The following TBPL1 variants were observed in gnomAD, a reference collection of about 807,000 sequenced individuals.
The protein encoded by TBPL1 is TATA-box binding protein like 1, also known as TATA box-binding protein-like 1.
A neutral mutation model predicts 22.1 loss-of-function variants in TBPL1; 4 were observed. That is an observed-to-expected ratio of 0.18 (90% confidence interval 0.09 to 0.41). The LOEUF (loss-of-function observed/expected upper bound fraction) is 0.41. TBPL1 is among the 10% of genes least tolerant of loss of function. The pLI is 1.00. For synonymous variants in TBPL1, 64 were observed against 71.0 expected, an observed-to-expected ratio of 0.90 and a Z score of 0.50; for missense variants, 115 against 222.3, an observed-to-expected ratio of 0.52 and a Z score of 3.07.
At chr6:133,980,486 C>T (rs1776389658) in intron 2 of TBPL1, among the ~76,000 whole-genome samples, 1 of 152,120 alleles carries the variant, frequency 6.6e-6, no homozygotes, top group Non-Finnish European at 1.5e-5. Context: ...TCATTGGTTA[C>T]AGAGACATTT....
Position 133,988,522 on chromosome 6 carries a change from A to AT in TBPL1, c.*1483dup, listed in dbSNP as rs1471411464. ...AAAATTGCAACATCCTAATCTCCAT[A>AT]TATAGTACATTTTCCTTACTGTATT... On this transcript the variant is annotated 3_prime_UTR_variant, in exon 7 of 7. Transcript: ENST00000237264. 5 of 152,224 alleles carry AT rather than the reference A, an allele frequency of 3.3e-5. No individual in the cohort carries two copies. Among genetic ancestry groups the AT allele is most frequent in the African/African-American group, 9.6e-5 (4 of 41,468 alleles). 9.4% of individuals were successfully genotyped at this position (152,224 alleles called of 1,614,324 possible).
intron 1 of TBPL1, among the ~76,000 whole-genome samples, chr6:133,972,110 A>G (rs757035716): frequency 1.6e-4 from 24 of 152,204 alleles, no homozygotes; most frequent in Non-Finnish European, 2.6e-4. Flanking sequence ...CTGAAATTGT[A>G]TCTCAATGTA....
chr6:133,963,481 G>C (rs1159215021), intron 1 of TBPL1, among the ~76,000 whole-genome samples: 2 of 152,192 alleles, frequency 1.3e-5, no homozygotes, highest in African/African-American at 4.8e-5. Flanking sequence ...CTGGAGTGCA[G>C]TGGTGTGATC....
intron 4 of TBPL1, 44 bp downstream of exon 4, chr6:133,982,924 T>A: frequency 6.5e-7 from 1 of 1,528,684 alleles, no homozygotes; most frequent in Non-Finnish European, 8.9e-7. Flanking sequence ...ATTCAAGGAC[T>A]TATTTTTATA....
At chr6:133,961,465 CTTTTTTTT>C (rs61695774) in intron 1 of TBPL1, among the ~76,000 whole-genome samples, 2 of 100,206 alleles carry the variant, frequency 2.0e-5, no homozygotes, top group Admixed American at 1.1e-4. Context: ...TTCTTTCTTT[CTTTTTTTT>C]TTTTTTTTTT....
chr6:133,962,105 G>A (rs773807486), intron 1 of TBPL1, among the ~76,000 whole-genome samples: 2 of 152,150 alleles, frequency 1.3e-5, no homozygotes, highest in Non-Finnish European at 2.9e-5. Flanking sequence ...GTCTGTTATT[G>A]GAAGAGGAAT....
chr6:133,985,276 T>TAAAAAA lies in TBPL1; in HGVS notation c.481+622_481+627dup, dbSNP rs1229100828. ...ACTGGCAACAGAGTGAGACTCTGTC[T>TAAAAAA]AAAAAAAAAAAAAAAAAAAAAATAT... is the stretch of plus-strand genomic sequence containing the variant. On this transcript the variant is annotated intron_variant, in intron 6 of 6. Coordinates refer to ENST00000237264, the MANE Select transcript of TBPL1 (RefSeq NM_004865.4). 1.3e-3 allele frequency among the ~76,000 whole-genome samples: 17 copies of TAAAAAA among 12,916 alleles called. 5 individuals carry two copies. The highest frequency in any genetic ancestry group is 4.8e-3 in the African/African-American group (7 of 1,454). 8.5% of individuals were successfully genotyped at this position (12,916 alleles called of 152,430 possible).
chr6:133,978,076 T>C (rs555768909), intron 1 of TBPL1, among the ~76,000 whole-genome samples: 7 of 152,276 alleles, frequency 4.6e-5, no homozygotes, highest in African/African-American at 1.7e-4. Flanking sequence ...TCTGCCACAT[T>C]GTACCCAGCT....
chr6:133,952,672 CA>C (rs1775853077), upstream of TBPL1: 1 of 152,108 alleles, frequency 6.6e-6, no homozygotes, highest in Admixed American at 6.5e-5. This position sits in a 1 kb window ranked among gnomAD's most constrained non-coding sequence, Gnocchi z 4.5. Context: ...TTAACGGGTT[CA>C]TTTTGACTGA....
chr6:133,972,056 A>T (rs377672148), intron 1 of TBPL1, among the ~76,000 whole-genome samples: 1 of 152,358 alleles, frequency 6.6e-6, no homozygotes, highest in East Asian at 1.9e-4. Context: ...AGAATAGATT[A>T]TCCAAATTTG....
At chr6:133,967,009 G>A (rs983724536) in intron 1 of TBPL1, among the ~76,000 whole-genome samples, 2 of 152,042 alleles carry the variant, frequency 1.3e-5, no homozygotes, top group Non-Finnish European at 2.9e-5. Context: ...AATTCTGAAC[G>A]TGGCATAGAA....
chr6:133,979,482 A>G (rs1298069692), intron 1 of TBPL1, among the ~76,000 whole-genome samples: 1 of 152,166 alleles, frequency 6.6e-6, no homozygotes, highest in Non-Finnish European at 1.5e-5. Flanking sequence ...CCTGGAACGT[A>G]GTGTTTGTAG....
At chr6:133,983,559 G>A (rs548186845) in intron 4 of TBPL1, among the ~76,000 whole-genome samples, 33 of 152,240 alleles carry the variant, frequency 2.2e-4, no homozygotes, top group African/African-American at 7.5e-4. Flanking sequence ...GGTGGGGAGT[G>A]GGGGTTGGTG....
At chr6:133,985,973 A>G (rs1366184921) in intron 6 of TBPL1, 3 of 152,240 alleles carry the variant, frequency 2.0e-5, no homozygotes, top group African/African-American at 7.2e-5. Flanking sequence ...AAAACAATGC[A>G]TATGTAAAAC....
intron 1 of TBPL1, 44 bp from the exon 2 acceptor site, chr6:133,980,038 A>T: frequency 7.7e-7 from 1 of 1,295,692 alleles, no homozygotes; most frequent in Non-Finnish European, 1.0e-6. Flanking sequence ...AAAGTGAATT[A>T]ACAACATTTA....
chr6:133,963,690 G>A (rs946501838), intron 1 of TBPL1, among the ~76,000 whole-genome samples: 11 of 151,922 alleles, frequency 7.2e-5, no homozygotes, highest in Non-Finnish European at 1.5e-4. Context: ...CAAAGTGCTG[G>A]GATTACAGGC....
chr6:133,988,021 G>C lies in TBPL1; in HGVS notation c.*981G>C, dbSNP rs1432324036. ...AGGTTCTTGACTTTAATCTTGGGTT[G>C]ATGCCCAAGCCTATACTAAGAGTCT... On this transcript the variant is annotated 3_prime_UTR_variant, in exon 7 of 7. Coordinates refer to ENST00000237264, the MANE Select transcript of TBPL1 (RefSeq NM_004865.4). 1 of 152,084 alleles carries C rather than the reference G, an allele frequency of 6.6e-6. No homozygotes were observed. Among genetic ancestry groups the C allele is most frequent in the Non-Finnish European group, 1.5e-5 (1 of 67,992 alleles). The allele number at this position is 152,084 out of a possible 1,614,324, so 9.4% of individuals were successfully genotyped here.
At chr6:133,978,399 A>G (rs549167577) in intron 1 of TBPL1, among the ~76,000 whole-genome samples, 1 of 152,338 alleles carries the variant, frequency 6.6e-6, no homozygotes. Flanking sequence ...ACTGAGACAC[A>G]GGTTACATAA....
At chr6:133,966,084 GAAAC>G (rs1288231028) in intron 1 of TBPL1, among the ~76,000 whole-genome samples, 2 of 152,140 alleles carry the variant, frequency 1.3e-5, no homozygotes, top group South Asian at 2.1e-4. Context: ...GAGACAGAAA[GAAAC>G]AGAGAGAGAG....
Sources: gnomAD v4.1 joint callset for allele counts (sites outside exome capture counted in the v4.1 genomes callset) on GRCh38, gnomAD v4.1.1 for gene constraint, Gnocchi (gnomAD v3.1) non-coding constraint, MANE v1.5 for transcripts, NCBI Gene and HGNC (gene_info 2026-07-23, HGNC 2026-07-21) for gene names.